The following KALRN variants were observed in gnomAD, a reference collection of about 807,000 sequenced individuals.
The protein encoded by KALRN is kalirin.
KALRN carries 70 observed loss-of-function variants against 353.7 expected under a neutral mutation model. The observed-to-expected ratio is 0.20, with a 90% CI of 0.16 to 0.24. KALRN has a LOEUF of 0.24. Ranked by LOEUF, KALRN falls within the 10% of genes least tolerant of loss-of-function variation. The pLI, the probability that KALRN is intolerant of heterozygous loss-of-function variation, is 1.00. For missense variants in KALRN, 2,791 were observed against 3,756.7 expected, an observed-to-expected ratio of 0.74 and a Z score of 6.72; for synonymous variants, 1,391 against 1,434.8, an observed-to-expected ratio of 0.97 and a Z score of 0.69.
intron 18 of KALRN, among the ~76,000 whole-genome samples, chr3:124,440,905 G>A (rs1414952602): frequency 6.6e-6 from 1 of 151,850 alleles, no homozygotes; most frequent in Non-Finnish European, 1.5e-5. Flanking sequence ...CTAGATCTGT[G>A]TTGCTTCCTG....
intron 5 of KALRN, among the ~76,000 whole-genome samples, chr3:124,270,831 T>TTG (rs774145667): frequency 6.8e-6 from 1 of 147,146 alleles, no homozygotes; most frequent in Admixed American, 6.7e-5. Context: ...TTTGTTTTTT[T>TTG]TTTTTTTTTT....
At chr3:124,562,675 C>T in intron 33 of KALRN, 168 bp from the exon 34 acceptor site, 1 of 456,054 alleles carries the variant, frequency 2.2e-6, no homozygotes, top group Non-Finnish European at 3.7e-6. Context: ...TTTTCATCTT[C>T]TGCCATCTCT....
At chr3:124,276,065 C>A (rs577129198) in intron 5 of KALRN, among the ~76,000 whole-genome samples, 1 of 152,354 alleles carries the variant, frequency 6.6e-6, no homozygotes, top group South Asian at 2.1e-4. Context: ...TCACCTTCTG[C>A]TTTGCAGTAT....
rs75415620 is a variant in KALRN, at chr3:124,209,080, A to G, written c.74-18910A>G. ...AACAGTCATGGCTATAATAGCTGCA[A>G]TTGATTATTTATAGGGACTTTATGT... On this transcript the variant is annotated intron_variant, in intron 1 of 59. Coordinates refer to ENST00000682506, the MANE Select transcript of KALRN (RefSeq NM_001388419.1). 7.9e-3 allele frequency among the ~76,000 whole-genome samples: 1,199 copies of G among 152,248 alleles called. 12 individuals carry two copies. Among genetic ancestry groups the G allele is most frequent in the African/African-American group, 0.027 (1,123 of 41,548 alleles).
chr3:124,472,569 G>A (rs2067087806), intron 25 of KALRN, among the ~76,000 whole-genome samples: 1 of 110,828 alleles, frequency 9.0e-6, no homozygotes, highest in African/African-American at 4.8e-5. Flanking sequence ...AAATGTGTGT[G>A]TGTATATGTG....
intron 10 of KALRN, among the ~76,000 whole-genome samples, chr3:124,373,748 A>G (rs1190451951): frequency 2.6e-5 from 4 of 152,112 alleles, no homozygotes; most frequent in African/African-American, 7.2e-5. Context: ...CTATGGGCCT[A>G]CCTTATTTCG....
chr3:124,050,734 A>G (rs1017556777), intron 1 of KALRN, among the ~76,000 whole-genome samples: 10 of 152,010 alleles, frequency 6.6e-5, no homozygotes, highest in African/African-American at 2.4e-4. Context: ...TATCCTTAGT[A>G]CTGTCTATCT....
chr3:124,340,916 A>G, intron 9 of KALRN, among the ~76,000 whole-genome samples: 1 of 152,236 alleles, frequency 6.6e-6, no homozygotes, highest in East Asian at 1.9e-4. Context: ...AGATCACGCT[A>G]CTGCACTCCA....
At chr3:124,355,791 C>T (rs1160915464) in intron 10 of KALRN, among the ~76,000 whole-genome samples, 2 of 142,964 alleles carry the variant, frequency 1.4e-5, no homozygotes, top group African/African-American at 5.2e-5. Context: ...CCTTGGCTCA[C>T]TGCAATCTCT....
intron 1 of KALRN, among the ~76,000 whole-genome samples, chr3:124,080,547 C>G (rs1369507395): frequency 1.3e-5 from 2 of 152,196 alleles, no homozygotes; most frequent in Admixed American, 1.3e-4. Flanking sequence ...CTGCATGCAG[C>G]ATGTCCTGGA....
At chr3:124,710,871 G>A (rs575621731) in intron 57 of KALRN, among the ~76,000 whole-genome samples, 1 of 152,180 alleles carries the variant, frequency 6.6e-6, no homozygotes, top group Non-Finnish European at 1.5e-5. Flanking sequence ...GCATAACTTT[G>A]ACAACTACAA....
intron 1 of KALRN, among the ~76,000 whole-genome samples, chr3:124,065,746 A>G (rs2042301127): frequency 1.3e-5 from 2 of 152,118 alleles, no homozygotes; most frequent in South Asian, 4.1e-4. Context: ...ATGAGATGAG[A>G]TAATAAAGGT....
At chr3:124,568,357 A>G (rs946066436) in intron 34 of KALRN, among the ~76,000 whole-genome samples, 12 of 152,256 alleles carry the variant, frequency 7.9e-5, no homozygotes, top group African/African-American at 2.4e-4. Context: ...GAAAATAACA[A>G]GTGTTATGAG....
At chr3:124,104,926 G>A (rs2062158751) in intron 1 of KALRN, among the ~76,000 whole-genome samples, 1 of 152,144 alleles carries the variant, frequency 6.6e-6, no homozygotes, top group Non-Finnish European at 1.5e-5. Flanking sequence ...GTGGGTTGAA[G>A]GGGATGGATA....
chr3:124,327,738 C>T (rs1332395250), intron 7 of KALRN, among the ~76,000 whole-genome samples: 1 of 152,184 alleles, frequency 6.6e-6, no homozygotes, highest in Non-Finnish European at 1.5e-5. Context: ...TCTTTCTTTG[C>T]ATCACATTTG....
At chr3:124,531,945 G>C (rs909568718) in intron 33 of KALRN, among the ~76,000 whole-genome samples, 1 of 152,184 alleles carries the variant, frequency 6.6e-6, no homozygotes, top group Non-Finnish European at 1.5e-5. Flanking sequence ...ATAAAGGTAA[G>C]AAAGCTTCGT....
chr3:124,495,988 T>C lies in KALRN; in HGVS notation c.4833-323T>C, dbSNP rs1424101885. On this transcript the variant is annotated intron_variant, in intron 32 of 59. Coordinates refer to ENST00000682506, the MANE Select transcript of KALRN (RefSeq NM_001388419.1). ...ATGTATATATATATATATATATATA[T>C]ATATATATATATATATATATATATA... Among the ~76,000 whole-genome samples, 66 of 53,710 alleles carry C rather than the reference T, an allele frequency of 1.2e-3. 9 individuals are homozygous for C. Among genetic ancestry groups the C allele is most frequent in the African/African-American group, 2.7e-3 (26 of 9,638 alleles). The allele number at this position is 53,710 out of a possible 152,430, so 35.2% of individuals were successfully genotyped here.
intron 1 of KALRN, among the ~76,000 whole-genome samples, chr3:124,138,014 G>C (rs1038108348): frequency 1.3e-5 from 2 of 152,156 alleles, no homozygotes; most frequent in African/African-American, 2.4e-5. Context: ...CGGAGCTTAA[G>C]GCCCTGGACA....
chr3:124,116,811 CTCTT>C (rs1401809499), intron 1 of KALRN, among the ~76,000 whole-genome samples: 2 of 152,204 alleles, frequency 1.3e-5, no homozygotes, highest in African/African-American at 4.8e-5. Flanking sequence ...TGTGGTATCA[CTCTT>C]TCTCAAAATA....
Sources: gnomAD v4.1 joint callset for allele counts (sites outside exome capture counted in the v4.1 genomes callset) on GRCh38, gnomAD v4.1.1 for gene constraint, MANE v1.5 for transcripts, NCBI Gene and HGNC (gene_info 2026-07-23, HGNC 2026-07-21) for gene names.